Variants in ZFP1 observed in about 807,000 individuals in gnomAD.
The protein encoded by ZFP1 is zinc finger protein 1 homolog.
A neutral mutation model predicts 38.5 loss-of-function variants in ZFP1; 32 were observed. The ratio of observed to expected loss-of-function variants is 0.83; its 90% confidence interval spans 0.63 to 1.12. The LOEUF (loss-of-function observed/expected upper bound fraction) is 1.12, where lower values mean the gene tolerates loss of function less well. ZFP1 is among the 50% of genes most tolerant of loss of function. The pLI is 0.00. For missense variants in ZFP1, 616 were observed against 480.8 expected, an observed-to-expected ratio of 1.28 and a Z score of -2.63; for synonymous variants, 245 against 168.8, an observed-to-expected ratio of 1.45 and a Z score of -3.50.
At chr16:75,160,623 C>T (rs2037720091) in intron 2 of ZFP1, among the ~76,000 whole-genome samples, 1 of 145,426 alleles carries the variant, frequency 6.9e-6, no homozygotes, top group African/African-American at 2.6e-5. Context: ...CATGCCACTG[C>T]ACTCCAATCT....
chr16:75,120,855 G>C, the ZFP1 span, among the ~76,000 whole-genome samples: 1 of 152,008 alleles, frequency 6.6e-6, no homozygotes, highest in African/African-American at 2.4e-5. Flanking sequence ...TCGATCTCCT[G>C]ACCTCATGAT....
the ZFP1 span, among the ~76,000 whole-genome samples, chr16:75,135,190 A>T: frequency 1.5e-5 from 2 of 131,572 alleles, no homozygotes; most frequent in African/African-American, 5.7e-5. Flanking sequence ...AGCCTGGGTG[A>T]CAGAGTGAGA....
In ZFP1 at chr16:75,169,676, G is replaced by A; in HGVS notation, c.566G>A (p.Cys189Tyr). ...GTTCAACCTTTCATTTGTACTTACT[G>A]TGACAAGGCTTTCTCCTTTAAGTCA... Reference protein sequence around the residue: ...NLVQPFICTYCDKAFSFKSLL... With the variant: ...NLVQPFICTYYDKAFSFKSLL... The change falls in exon 4 of 4, where the codon TGT becomes TAT. Residue 189 changes from cysteine to tyrosine, a missense_variant. Cys to Tyr is a radical substitution (Grantham distance 194, BLOSUM62 -2). Transcript: ENST00000570010. 1 of 1,609,756 alleles carries A rather than the reference G, an allele frequency of 6.2e-7. No homozygotes were observed. Among genetic ancestry groups the A allele is most frequent in the South Asian group, 1.1e-5 (1 of 90,482 alleles).
chr16:75,121,294 T>G, the ZFP1 span, among the ~76,000 whole-genome samples: 2 of 151,004 alleles, frequency 1.3e-5, no homozygotes, highest in Non-Finnish European at 3.0e-5. Context: ...CCCAGCTAAT[T>G]TTTTGTATTT....
At chr16:75,162,630 G>T (rs551005765) in intron 2 of ZFP1, among the ~76,000 whole-genome samples, 1 of 152,236 alleles carries the variant, frequency 6.6e-6, no homozygotes, top group South Asian at 2.1e-4. Context: ...ACCAAGTAGT[G>T]AGAATAGTAC....
At chr16:75,121,054 A>G in the ZFP1 span, among the ~76,000 whole-genome samples, 1 of 152,206 alleles carries the variant, frequency 6.6e-6, no homozygotes, top group South Asian at 2.1e-4. Flanking sequence ...CCCTTCTTGG[A>G]GACCCAGGAT....
intron 2 of ZFP1, among the ~76,000 whole-genome samples, chr16:75,153,313 G>T (rs1252887427): frequency 2.0e-5 from 3 of 152,152 alleles, no homozygotes; most frequent in South Asian, 2.1e-4. Flanking sequence ...GAAGATTATT[G>T]TATGTATTTG....
chr16:75,164,158 T>G (rs2037934306), intron 2 of ZFP1, among the ~76,000 whole-genome samples: 1 of 152,232 alleles, frequency 6.6e-6, no homozygotes, highest in African/African-American at 2.4e-5. Context: ...TGTTTATATT[T>G]TAGCTGGATC....
chr16:75,132,658 T>TTC, the ZFP1 span: 5 of 145,140 alleles, frequency 3.4e-5, no homozygotes, highest in East Asian at 2.0e-4. Flanking sequence ...ATTTCTTTTT[T>TTC]TTTTTTTTTT....
chr16:75,164,994 G>A (rs1314934944), intron 2 of ZFP1, among the ~76,000 whole-genome samples: 3 of 151,908 alleles, frequency 2.0e-5, no homozygotes, highest in Admixed American at 6.6e-5. Flanking sequence ...TAGTAGAGAC[G>A]GGGTTTCTCC....
upstream of ZFP1, among the ~76,000 whole-genome samples, chr16:75,147,953 T>TA (rs1323520220): frequency 1.3e-5 from 2 of 152,202 alleles, no homozygotes; most frequent in Non-Finnish European, 2.9e-5. Context: ...ATGCACATGT[T>TA]AATTAGCTTG....
chr16:75,160,271 G>A (rs1256753551), intron 2 of ZFP1, among the ~76,000 whole-genome samples: 1 of 152,182 alleles, frequency 6.6e-6, no homozygotes. Context: ...AGGTAGCCAT[G>A]CCTGTAATCT....
intron 2 of ZFP1, among the ~76,000 whole-genome samples, chr16:75,165,487 C>T (rs945708778): frequency 1.3e-5 from 2 of 151,766 alleles, no homozygotes; most frequent in African/African-American, 4.8e-5. Flanking sequence ...CTCCACCTCC[C>T]AGGTTCAAGC....
At chr16:75,152,586 C>T in intron 1 of ZFP1, among the ~76,000 whole-genome samples, 1 of 152,170 alleles carries the variant, frequency 6.6e-6, no homozygotes, top group East Asian at 1.9e-4. Context: ...TCCACCTTTT[C>T]TAGTAAAGCC....
chr16:75,139,070 T>C, the ZFP1 span, among the ~76,000 whole-genome samples: 5 of 152,100 alleles, frequency 3.3e-5, no homozygotes, highest in South Asian at 1.0e-3. Flanking sequence ...TAGTAATCCC[T>C]CAAAACTGTC....
At chr16:75,128,639 T>C in the ZFP1 span, among the ~76,000 whole-genome samples, 10 of 152,210 alleles carry the variant, frequency 6.6e-5, no homozygotes, top group Non-Finnish European at 1.3e-4. Flanking sequence ...AAATTTTTCC[T>C]TCTTTTTTTC....
the ZFP1 span, among the ~76,000 whole-genome samples, chr16:75,124,439 C>G: frequency 1.5e-4 from 22 of 149,014 alleles, no homozygotes; most frequent in African/African-American, 5.1e-4. Context: ...GGATTACAGG[C>G]GTGAGCCACC....
the ZFP1 span, chr16:75,126,185 G>A: frequency 6.6e-6 from 1 of 151,942 alleles, no homozygotes; most frequent in South Asian, 2.1e-4. Context: ...GAGTCTTGCT[G>A]TGTCGCCAGG....
Position 75,170,035 on chromosome 16 carries a change from T to G in ZFP1, c.925T>G (p.Ser309Ala). 1 of 1,614,014 alleles carries G rather than the reference T, an allele frequency of 6.2e-7. No individual in the cohort carries two copies. The highest frequency in any genetic ancestry group is 8.5e-7 in the Non-Finnish European group (1 of 1,180,000). ...ATGTGCAAAAACCTTCTTTAAGAAG[T>G]CAAACCTTATCATACATCAGAAGAT... ...NECAKTFFKKSNLIIHQKIHT... is the reference protein window; with the variant it reads ...NECAKTFFKKANLIIHQKIHT... The change falls in exon 4 of 4, where the codon TCA becomes GCA. Residue 309 changes from serine to alanine, a missense_variant. Physicochemically the swap from Ser to Ala is moderately conservative, Grantham distance 99 (BLOSUM62 1). Coordinates refer to ENST00000570010, the MANE Select transcript of ZFP1 (RefSeq NM_153688.4).
Sources: allele counts gnomAD v4.1 joint callset (sites outside exome capture counted in the v4.1 genomes callset), GRCh38; gene constraint gnomAD v4.1.1; transcripts MANE v1.5; gene names NCBI Gene and HGNC (gene_info 2026-07-23, HGNC 2026-07-21).